The following COL7A1 variants were observed in gnomAD, a reference collection of about 807,000 sequenced individuals.
COL7A1 encodes the protein collagen alpha-1(VII) chain.
In COL7A1, 296 loss-of-function variants were observed where a neutral mutation model predicts 456.2. The observed-to-expected ratio is 0.65, with a 90% CI of 0.59 to 0.71. COL7A1 has a LOEUF of 0.71. COL7A1 is among the 30% of genes least tolerant of loss of function. The probability of loss-of-function intolerance (pLI) is 0.00; values close to 1 mark genes in which losing one functional copy is unlikely to be tolerated. For synonymous variants in COL7A1, 1,464 were observed against 1,525.9 expected (o/e 0.96, Z 0.95); for missense variants, 3,441 against 4,017.2 (o/e 0.86, Z 3.88).
Position 48,580,504 on chromosome 3 carries a change from G to C in COL7A1, c.5052+77C>G, listed in dbSNP as rs376557055. 5.2e-6 allele frequency: 8 copies of C among 1,534,798 alleles called. No individual in the cohort carries two copies. Among genetic ancestry groups the C allele is most frequent in the Middle Eastern group, 1.7e-4 (1 of 5,936 alleles). On this transcript the variant is annotated intron_variant, in intron 55 of 118. Transcript: ENST00000681320. This position sits in a 1 kb window ranked among gnomAD's most constrained non-coding sequence, Gnocchi z 4.5. Reference sequence around the variant, plus strand: ...GGGAGGGTTTAGCATTACAGGGTTGGGGGGTAGGATCAGGTATTGGGAATT... The same window carrying C: ...GGGAGGGTTTAGCATTACAGGGTTGCGGGGTAGGATCAGGTATTGGGAATT...
rs201734662 is a variant in COL7A1 at position 48,592,669 on chromosome 3, G to A, written c.877C>T (p.Arg293Trp). 34 of 1,613,470 alleles carry A rather than the reference G, an allele frequency of 2.1e-5. No homozygotes were observed. The highest frequency in any genetic ancestry group is 1.6e-4 in the East Asian group (7 of 44,834). Residue 293 changes from arginine (R) to tryptophan (W), a missense_variant, in exon 8 of 119, where the codon CGG (arginine) becomes TGG (tryptophan). By Grantham distance (101) the Arg-to-Trp change is moderately radical. Coordinates refer to ENST00000681320, the MANE Select transcript of COL7A1 (RefSeq NM_000094.4). The surrounding 1 kb of genome is among the most constrained non-coding windows in gnomAD (Gnocchi z 7.6). ...GTCAGTGGCCGGAGACCCCGCAGCC[G>A]CACACTGGTCTCACCAGCTGGGACG... is the stretch of plus-strand genomic sequence containing the variant. Reference protein sequence around the residue: ...VNVPAGETSVRLRGLRPLTEY... With the variant: ...VNVPAGETSVWLRGLRPLTEY...
chr3:48,577,500 T>C (rs1449475954), intron 65 of COL7A1, among the ~76,000 whole-genome samples: 1 of 152,212 alleles, frequency 6.6e-6, no homozygotes, highest in Admixed American at 6.5e-5. Context: ...GCAACTCTTG[T>C]GTGTAGCTCA....
At position 48,564,336 on chromosome 3, in the gene COL7A1, G is replaced by A; in HGVS notation, c.*70C>T. 5 of 1,570,082 alleles carry A rather than the reference G, an allele frequency of 3.2e-6. No individual in the cohort carries two copies. Among genetic ancestry groups the A allele is most frequent in the Non-Finnish European group, 4.4e-6 (5 of 1,140,520 alleles). On this transcript the variant is annotated 3_prime_UTR_variant, in exon 119 of 119. Transcript: ENST00000681320. This position sits in a 1 kb window ranked among gnomAD's most constrained non-coding sequence, Gnocchi z 6.0. ...ACACAAGCCTCTAGCACCAAGGGGA[G>A]GGACAGTGGGGTTCTGCTGAGACCC...
At position 48,573,221 on chromosome 3, in the gene COL7A1, T is replaced by C; in HGVS notation, c.6667A>G (p.Thr2223Ala). The C allele has an allele frequency of 1.2e-6, 2 of 1,614,108 alleles. No homozygotes were observed. The highest frequency in any genetic ancestry group is 1.7e-6 in the Non-Finnish European group (2 of 1,180,034). The change falls in exon 85 of 119, where the codon ACT (threonine) becomes GCT (alanine). Residue 2223 changes from threonine to alanine, a missense_variant. Thr to Ala is a moderately conservative substitution (Grantham distance 58). Coordinates refer to ENST00000681320, the MANE Select transcript of COL7A1 (RefSeq NM_000094.4). This position sits in a 1 kb window ranked among gnomAD's most constrained non-coding sequence, Gnocchi z 5.5. Reference protein sequence around the residue: ...GPPGRGLTGPTGAVGLPGPPG... With the variant: ...GPPGRGLTGPAGAVGLPGPPG... ...GGTCCAGGAAGTCCCACAGCTCCAG[T>C]AGGTCCAGTCAGGCCCTGGAGGAAG... is the stretch of plus-strand genomic sequence containing the variant.
In COL7A1 at chr3:48,583,363, TCAC is replaced by T; in HGVS notation, c.4437+27_4437+29del. The T allele has an allele frequency of 6.2e-7, 1 of 1,613,894 alleles. No homozygotes were observed. The highest frequency in any genetic ancestry group is 1.7e-5 in the Admixed American group (1 of 60,002). ...CATGGGGAGCCCAGAGTAGCACCCC[TCAC>T]ACCTGAATCCCCCAACTGGTACTCA... On this transcript the variant is annotated intron_variant, in intron 42 of 118. Transcript: ENST00000681320. The surrounding 1 kb of genome is among the most constrained non-coding windows in gnomAD (Gnocchi z 5.1).
rs1329081798 is a variant in COL7A1, at chr3:48,568,369, T to C, written c.7794+130A>G. On this transcript the variant is annotated intron_variant, in intron 105 of 118. Coordinates refer to ENST00000681320, the MANE Select transcript of COL7A1 (RefSeq NM_000094.4). The surrounding 1 kb of genome is among the most constrained non-coding windows in gnomAD (Gnocchi z 5.2). Reference sequence around the variant, plus strand: ...CGGCTACTGTGGAGGTGGGGGACCCTGGGTGACATGAGGACACCATGAGAG... The same window carrying C: ...CGGCTACTGTGGAGGTGGGGGACCCCGGGTGACATGAGGACACCATGAGAG... The C allele has an allele frequency of 1.8e-6, 2 of 1,099,736 alleles. No homozygotes were observed. The highest frequency in any genetic ancestry group is 3.1e-5 in the African/African-American group (2 of 64,246). 68.1% of individuals were successfully genotyped at this position (1,099,736 alleles called of 1,614,324 possible). A position where few individuals can be genotyped will look rare whatever the true frequency, so the allele number is the denominator to read the frequency against.
Position 48,568,603 on chromosome 3 carries a change from T to C in COL7A1, c.7759-69A>G. On this transcript the variant is annotated intron_variant, in intron 104 of 118. Transcript: ENST00000681320. This position sits in a 1 kb window ranked among gnomAD's most constrained non-coding sequence, Gnocchi z 5.2. Reference sequence around the variant, plus strand: ...CCAACACTGGCCCATCCGCTGCATGTGTGGCCACTCAGATGCTCAGCGGCC... The same window carrying C: ...CCAACACTGGCCCATCCGCTGCATGCGTGGCCACTCAGATGCTCAGCGGCC... 8.4e-6 allele frequency: 13 copies of C among 1,553,632 alleles called. 1 individual carries two copies. The Middle Eastern group carries it at 2.2e-3, about 262-fold the overall frequency.
chr3:48,574,873 C>T lies in COL7A1; in HGVS notation c.6280-8G>A, dbSNP rs1343979395. On this transcript the variant is annotated splice_region_variant and splice_polypyrimidine_tract_variant and intron_variant, in intron 76 of 118. Coordinates refer to ENST00000681320, the MANE Select transcript of COL7A1 (RefSeq NM_000094.4). This position sits in a 1 kb window ranked among gnomAD's most constrained non-coding sequence, Gnocchi z 5.0. ...TGGCTCATCCACAGACACCTACAAA[C>T]ACAAGGTCACAGGGGAGAGATGTCT... 1.9e-6 allele frequency: 3 copies of T among 1,613,660 alleles called. No individual in the cohort carries two copies. The highest frequency in any genetic ancestry group is 1.3e-5 in the African/African-American group (1 of 74,896).
chr3:48,594,397 A>C lies in COL7A1; in HGVS notation c.237T>G (p.Phe79Leu). ...GGTCATCGCTGTACTGCACTGTGGC[A>C]AAGCGCACACCCTGTGCACTGGCTG... The part of the protein sequence containing the change: ...SGAASAQGVR[F>L]ATVQYSDDPR... The change falls in exon 3 of 119, where the codon TTT (phenylalanine) becomes TTG (leucine). Residue 79 changes from phenylalanine to leucine, a missense_variant. Around this residue, in one of 3 missense-constraint regions of COL7A1, gnomAD observed 913 missense variants for 1,088.2 expected, o/e 0.84. Coordinates refer to ENST00000681320, the MANE Select transcript of COL7A1 (RefSeq NM_000094.4). The surrounding 1 kb of genome is among the most constrained non-coding windows in gnomAD (Gnocchi z 5.5). 1 of 1,611,510 alleles carries C rather than the reference A, an allele frequency of 6.2e-7. No homozygotes were observed. The highest frequency in any genetic ancestry group is 8.5e-7 in the Non-Finnish European group (1 of 1,180,014).
Position 48,567,860 on chromosome 3 carries a change from A to G in COL7A1, c.7907T>C (p.Leu2636Pro), listed in dbSNP as rs769050419. 6.2e-7 allele frequency: 1 copy of G among 1,614,012 alleles called. No homozygotes were observed. The highest frequency in any genetic ancestry group is 1.1e-5 in the South Asian group (1 of 91,066). Residue 2636 changes from leucine (L) to proline (P), a missense_variant, in exon 107 of 119, where the codon CTT becomes CCT. Transcript: ENST00000681320. The surrounding 1 kb of genome is among the most constrained non-coding windows in gnomAD (Gnocchi z 4.3). ...TACCTTGTCTCCCTTCTCTCCATCA[A>G]GGCCACAGGCTCCCTTCACTCCCCG... is the stretch of plus-strand genomic sequence containing the variant. ...GERGVKGACG[L>P]DGEKGDKGEA...
Position 48,593,417 on chromosome 3 carries a change from C to T in COL7A1, c.459G>A (p.Gln153=). ...TTTGGGCAGCTGTGTCCACCAGGTC[C>T]TGGGACTTCCCGTCTGTGATCAGGA... ...VCILITDGKS[Q]DLVDTAAQRL... Residue 153 remains glutamine, a synonymous_variant, in exon 5 of 119, where the codon CAG becomes CAA. Transcript: ENST00000681320. This position sits in a 1 kb window ranked among gnomAD's most constrained non-coding sequence, Gnocchi z 4.4. The T allele has an allele frequency of 6.2e-7, 1 of 1,614,120 alleles. No individual in the cohort carries two copies. The highest frequency in any genetic ancestry group is 8.5e-7 in the Non-Finnish European group (1 of 1,180,042).
chr3:48,586,532 C>T lies in COL7A1; in HGVS notation c.3403+31G>A, dbSNP rs757338793. On this transcript the variant is annotated intron_variant, in intron 26 of 118. Transcript: ENST00000681320. The surrounding 1 kb of genome is among the most constrained non-coding windows in gnomAD (Gnocchi z 5.1). ...GGGCACCAAGCTCCCAGTGGATAGC[C>T]CCAGGAGTCCATGCCTGCTGCAGTC... 16 of 1,613,714 alleles carry T rather than the reference C, an allele frequency of 9.9e-6. No homozygotes were observed. The East Asian group carries it at 3.1e-4, about 31-fold the overall frequency.
At position 48,580,508 on chromosome 3, in the gene COL7A1, G is replaced by A. The variant is rs2044669385; in HGVS notation, c.5052+73C>T. 2.6e-6 allele frequency: 4 copies of A among 1,540,838 alleles called. No homozygotes were observed. Among genetic ancestry groups the A allele is most frequent in the African/African-American group, 2.7e-5 (2 of 73,152 alleles). ...GGGTTTAGCATTACAGGGTTGGGGGGTAGGATCAGGTATTGGGAATTGGCT... is the reference window on the plus strand; with the variant it reads ...GGGTTTAGCATTACAGGGTTGGGGGATAGGATCAGGTATTGGGAATTGGCT... On this transcript the variant is annotated intron_variant, in intron 55 of 118. Coordinates refer to ENST00000681320, the MANE Select transcript of COL7A1 (RefSeq NM_000094.4). This position sits in a 1 kb window ranked among gnomAD's most constrained non-coding sequence, Gnocchi z 4.5.
Position 48,568,044 on chromosome 3 carries a change from T to A in COL7A1, c.7875+46A>T. The A allele has an allele frequency of 6.2e-7, 1 of 1,612,372 alleles. No individual in the cohort carries two copies. The highest frequency in any genetic ancestry group is 1.1e-5 in the South Asian group (1 of 91,038). The stretch of plus-strand genomic sequence containing the variant: ...ACCCCAGGTCCCTCGCCCTTCAACA[T>A]TAGGCCTTCCTGACCAGAAAAAAAC... On this transcript the variant is annotated intron_variant, in intron 106 of 118. Transcript: ENST00000681320. This position sits in a 1 kb window ranked among gnomAD's most constrained non-coding sequence, Gnocchi z 5.2.
At position 48,583,775 on chromosome 3, in the gene COL7A1, A is replaced by T; in HGVS notation, c.4284T>A (p.Leu1428=). 1 of 1,613,742 alleles carries T rather than the reference A, an allele frequency of 6.2e-7. No homozygotes were observed. The highest frequency in any genetic ancestry group is 8.5e-7 in the Non-Finnish European group (1 of 1,179,906). The change falls in exon 40 of 119, where the codon CTT becomes CTA. Residue 1428 remains leucine, a synonymous_variant. Coordinates refer to ENST00000681320, the MANE Select transcript of COL7A1 (RefSeq NM_000094.4). The surrounding 1 kb of genome is among the most constrained non-coding windows in gnomAD (Gnocchi z 5.1). ...GGCCTTGGGGTCCAGGGCTTCCGGG[A>T]AGACCCTAGGAAGAAGTGAGTAAAA... The part of the protein sequence containing the change: ...IAPGEPGLPG[L]PGSPGPQGPV...
chr3:48,594,476 T>C lies in COL7A1; in HGVS notation c.158A>G (p.Asn53Ser), dbSNP rs772466271. 8.7e-6 allele frequency: 14 copies of C among 1,612,270 alleles called. No homozygotes were observed. In the Admixed American group the frequency reaches 2.0e-4, roughly 23 times the overall value. ...LDGSSSIGRSNFREVRSFLEG... is the reference protein window; with the variant it reads ...LDGSSSIGRSSFREVRSFLEG... ...GAGAAAGCTGCGGACCTCGCGGAAA[T>C]TGCTGCGGCCAATGGATGAGGAGCC... Residue 53 changes from asparagine (N) to serine (S), a missense_variant, in exon 3 of 119, where the codon AAT (asparagine) becomes AGT (serine). Transcript: ENST00000681320. The surrounding 1 kb of genome is among the most constrained non-coding windows in gnomAD (Gnocchi z 5.5).
Position 48,586,471 on chromosome 3 carries a change from G to T in COL7A1, c.3411C>A (p.Ala1137=). ...ACATGTATCTGTGAGCTGTGACCACGGCTGTGCCTGGAAGGAAGGACATGT... is the reference window on the plus strand; with the variant it reads ...ACATGTATCTGTGAGCTGTGACCACTGCTGTGCCTGGAAGGAAGGACATGT... ...MDPSGNNLGT[A]VVTAHRYMLA... Residue 1137 remains alanine, a synonymous_variant, in exon 27 of 119, where the codon GCC becomes GCA. Coordinates refer to ENST00000681320, the MANE Select transcript of COL7A1 (RefSeq NM_000094.4). This position sits in a 1 kb window ranked among gnomAD's most constrained non-coding sequence, Gnocchi z 5.1. 6.2e-7 allele frequency: 1 copy of T among 1,613,774 alleles called. No homozygotes were observed. Among genetic ancestry groups the T allele is most frequent in the Non-Finnish European group, 8.5e-7 (1 of 1,180,042 alleles).
chr3:48,569,305 C>T lies in COL7A1; in HGVS notation c.7686+70G>A. ...GCCTCCTCCTGTCCTCCCCTCCTGC[C>T]CTCACAGATGCTGTGGAACCACCAC... On this transcript the variant is annotated intron_variant, in intron 103 of 118. Transcript: ENST00000681320. This position sits in a 1 kb window ranked among gnomAD's most constrained non-coding sequence, Gnocchi z 4.9. The T allele has an allele frequency of 6.4e-7, 1 of 1,573,478 alleles. No homozygotes were observed. Among genetic ancestry groups the T allele is most frequent in the Non-Finnish European group, 8.7e-7 (1 of 1,143,056 alleles).
rs755524336 is a variant in COL7A1, at chr3:48,583,116, G to C, written c.4482+11C>G. On this transcript the variant is annotated intron_variant, in intron 43 of 118. Coordinates refer to ENST00000681320, the MANE Select transcript of COL7A1 (RefSeq NM_000094.4). This position sits in a 1 kb window ranked among gnomAD's most constrained non-coding sequence, Gnocchi z 5.1. ...CTCCAGGGCCCTTGGCACCCCCCAG[G>C]TTGCACTTACCTTCTCTCCAGCCTC... 6.2e-7 allele frequency: 1 copy of C among 1,613,946 alleles called. No homozygotes were observed. The highest frequency in any genetic ancestry group is 2.2e-5 in the East Asian group (1 of 44,872).
Sources: allele counts gnomAD v4.1 joint callset (sites outside exome capture counted in the v4.1 genomes callset), GRCh38; gene constraint gnomAD v4.1.1; regional missense constraint gnomAD v4.1.1; non-coding constraint Gnocchi (gnomAD v3.1); transcripts MANE v1.5; gene names NCBI Gene and HGNC (gene_info 2026-07-23, HGNC 2026-07-21).